CLINT1: variants seen among roughly 807,000 people sequenced by gnomAD.
The protein encoded by CLINT1 is clathrin interacting protein localized in the trans-Golgi region.
A neutral mutation model predicts 70.4 loss-of-function variants in CLINT1; 15 were observed. That is an observed-to-expected ratio of 0.21 (90% CI 0.14 to 0.33). CLINT1 has a LOEUF of 0.33. Among genes scored for constraint, CLINT1 ranks in the 10% least tolerant of loss-of-function variants. The pLI, the probability that CLINT1 is intolerant of heterozygous loss-of-function variation, is 1.00. For missense variants in CLINT1, 615 were observed against 778.1 expected (o/e 0.79, Z 2.49); for synonymous variants, 227 against 254.7 (o/e 0.89, Z 1.04).
intron 1 of CLINT1, among the ~76,000 whole-genome samples, chr5:157,827,383 C>A (rs1175183142): frequency 6.6e-6 from 1 of 152,068 alleles, no homozygotes; most frequent in Non-Finnish European, 1.5e-5. Flanking sequence ...AACATAAAGT[C>A]TTTTGGGAAA....
rs1035574532 is a variant in CLINT1, at chr5:157,823,126, T to C, written c.42-5579A>G. ...CATCCTGAGATCAGGCAATCTTTTA[T>C]TTGAGACCTCTAAATGTGTTCTGAC... On this transcript the variant is annotated intron_variant, in intron 1 of 11. Coordinates refer to ENST00000411809, the MANE Select transcript of CLINT1 (RefSeq NM_014666.4). Among the ~76,000 whole-genome samples the C allele has an allele frequency of 2.0e-5, 3 of 152,310 alleles. No individual in the cohort carries two copies. The East Asian group carries it at 5.8e-4, about 29-fold the overall frequency.
At chr5:157,856,608 G>A (rs1022908596) in intron 1 of CLINT1, among the ~76,000 whole-genome samples, 7 of 152,124 alleles carry the variant, frequency 4.6e-5, no homozygotes, top group East Asian at 1.9e-4. Flanking sequence ...ACAGATCCAC[G>A]GTTCTGTAAG....
rs376571713 is a variant in CLINT1 at position 157,825,781 on chromosome 5, C to A, written c.42-8234G>T. 2.0e-5 allele frequency among the ~76,000 whole-genome samples: 3 copies of A among 152,146 alleles called. 1 individual carries two copies. The East Asian group carries it at 5.8e-4, about 29-fold the overall frequency. ...ATTCTTTTTTTAAACCAATGCTACT[C>A]TCACATCAATTCTACTTCCAAATTC... On this transcript the variant is annotated intron_variant, in intron 1 of 11. Transcript: ENST00000411809.
At chr5:157,813,031 T>G (rs1350643539) in intron 5 of CLINT1, 32 bp downstream of exon 5, 1 of 1,593,300 alleles carries the variant, frequency 6.3e-7, no homozygotes, top group East Asian at 2.2e-5. Flanking sequence ...GCTAAGCTGA[T>G]GCTTAGGTGT....
At chr5:157,839,703 C>A (rs575655691) in intron 1 of CLINT1, among the ~76,000 whole-genome samples, 65 of 150,590 alleles carry the variant, frequency 4.3e-4, no homozygotes, top group Non-Finnish European at 7.7e-4. Flanking sequence ...TTCTAGAAAT[C>A]TCCTAATTAC....
At chr5:157,799,085 T>C (rs1412031300) in intron 8 of CLINT1, among the ~76,000 whole-genome samples, 1 of 152,138 alleles carries the variant, frequency 6.6e-6, no homozygotes, top group Non-Finnish European at 1.5e-5. Flanking sequence ...ACTACATTAA[T>C]GGAATATGTA....
At chr5:157,856,318 T>C (rs1753758378) in intron 1 of CLINT1, among the ~76,000 whole-genome samples, 1 of 152,354 alleles carries the variant, frequency 6.6e-6, no homozygotes, top group East Asian at 1.9e-4. Flanking sequence ...CCCCTCATTT[T>C]ACAGATAAGG....
chr5:157,824,544 T>C (rs1176740520), intron 1 of CLINT1, among the ~76,000 whole-genome samples: 1 of 152,092 alleles, frequency 6.6e-6, no homozygotes. Context: ...TACAATGCAA[T>C]GAAAAAGTCT....
chr5:157,838,403 G>A (rs10214213), intron 1 of CLINT1, among the ~76,000 whole-genome samples: 3 of 152,254 alleles, frequency 2.0e-5, no homozygotes, highest in South Asian at 4.1e-4. Context: ...GATTACAGGC[G>A]TGAGCCACAG....
At chr5:157,788,030 T>A in intron 11 of CLINT1, 38 bp from the exon 12 acceptor site, 1 of 1,498,088 alleles carries the variant, frequency 6.7e-7, no homozygotes, top group South Asian at 1.2e-5. Flanking sequence ...TTTACCACAA[T>A]AAATTTTTAG....
intron 1 of CLINT1, among the ~76,000 whole-genome samples, chr5:157,833,106 T>C (rs1420601329): frequency 1.3e-5 from 2 of 152,142 alleles, no homozygotes; most frequent in Non-Finnish European, 2.9e-5. Flanking sequence ...ATTCCGGCAC[T>C]GGGGCAGGCC....
intron 9 of CLINT1, among the ~76,000 whole-genome samples, chr5:157,793,485 C>A (rs1434729737): frequency 6.6e-6 from 1 of 152,120 alleles, no homozygotes; most frequent in Non-Finnish European, 1.5e-5. Context: ...ATGGTTTCAG[C>A]CCCCTGCGTA....
At chr5:157,805,756 C>T (rs10515755) in intron 7 of CLINT1, 110 bp downstream of exon 7, 126,655 of 1,318,316 alleles carry the variant, frequency 0.096, 7,661 homozygotes, top group African/African-American at 0.25. Context: ...CCAGATGATC[C>T]ATAATTAATA....
chr5:157,858,070 G>A (rs1393140804), intron 1 of CLINT1, among the ~76,000 whole-genome samples: 1 of 152,142 alleles, frequency 6.6e-6, no homozygotes, highest in Non-Finnish European at 1.5e-5. Context: ...TAAAAGTTAA[G>A]GTTTTCCTTG....
intron 5 of CLINT1, among the ~76,000 whole-genome samples, chr5:157,811,331 C>A (rs1218696420): frequency 6.6e-6 from 1 of 152,070 alleles, no homozygotes; most frequent in Non-Finnish European, 1.5e-5. Context: ...CACTTGAGGT[C>A]AGGAGTTCAA....
chr5:157,820,710 AAAAAG>A (rs1373318972), intron 1 of CLINT1, among the ~76,000 whole-genome samples: 1 of 152,182 alleles, frequency 6.6e-6, no homozygotes, highest in East Asian at 1.9e-4. Flanking sequence ...ACCTTTTTTA[AAAAAG>A]AAAACAATCC....
intron 1 of CLINT1, among the ~76,000 whole-genome samples, chr5:157,854,082 G>C (rs956308708): frequency 2.0e-5 from 3 of 152,148 alleles, no homozygotes; most frequent in African/African-American, 7.2e-5. Context: ...GACATGGGAA[G>C]ACTAGAAAGC....
chr5:157,815,120 T>C (rs62389011), intron 3 of CLINT1, among the ~76,000 whole-genome samples: 5 of 142,188 alleles, frequency 3.5e-5, no homozygotes, highest in Admixed American at 7.0e-5. Context: ...TCTTCACACA[T>C]ACACACACAC....
In CLINT1 at chr5:157,859,116, A is replaced by G; in HGVS notation, c.-146T>C. 3.9e-6 allele frequency: 3 copies of G among 776,616 alleles called. No homozygotes were observed. Among genetic ancestry groups the G allele is most frequent in the Non-Finnish European group, 3.9e-6 (2 of 512,278 alleles). The allele number at this position is 776,616 out of a possible 1,614,324, so 48.1% of individuals were successfully genotyped here. On this transcript the variant is annotated 5_prime_UTR_variant, in exon 1 of 12. Coordinates refer to ENST00000411809, the MANE Select transcript of CLINT1 (RefSeq NM_014666.4). ...AGTCAGCTCCTTCCTTTGCCACAGC[A>G]GCGGCGCCGCCGGTGACACGTCGAG... is the stretch of plus-strand genomic sequence containing the variant.
Sources: gnomAD v4.1 joint callset for allele counts (sites outside exome capture counted in the v4.1 genomes callset) on GRCh38, gnomAD v4.1.1 for gene constraint, MANE v1.5 for transcripts, NCBI Gene and HGNC (gene_info 2026-07-23, HGNC 2026-07-21) for gene names.